The following TMEM132B variants were observed in gnomAD, a reference collection of about 807,000 sequenced individuals.
The protein encoded by TMEM132B is transmembrane protein 132B.
Under a neutral mutation model 90.8 loss-of-function variants are expected in TMEM132B, and 18 were observed. The ratio of observed to expected loss-of-function variants is 0.20; its 90% CI spans 0.14 to 0.29. The LOEUF (loss-of-function observed/expected upper bound fraction) is 0.29, where lower values mean the gene tolerates loss of function less well. TMEM132B is among the 10% of genes least tolerant of loss of function. The pLI is 1.00. For missense variants in TMEM132B, 1,096 were observed against 1,326.8 expected, an observed-to-expected ratio of 0.83 and a Z score of 2.70; for synonymous variants, 504 against 523.3, an observed-to-expected ratio of 0.96 and a Z score of 0.50.
At chr12:125,355,064 T>C (rs543245752) in intron 2 of TMEM132B, among the ~76,000 whole-genome samples, 9 of 151,980 alleles carry the variant, frequency 5.9e-5, no homozygotes, top group Admixed American at 4.6e-4. Context: ...AAAACACTCT[T>C]CTGGGCTCTT....
chr12:125,471,294 C>T (rs1881713420), intron 3 of TMEM132B, among the ~76,000 whole-genome samples: 1 of 152,132 alleles, frequency 6.6e-6, no homozygotes. Context: ...GTATGGGGGA[C>T]AGGATGTGTC....
chr12:125,524,059 C>G (rs1165065968), intron 4 of TMEM132B, among the ~76,000 whole-genome samples: 1 of 152,158 alleles, frequency 6.6e-6, no homozygotes, highest in Non-Finnish European at 1.5e-5. Context: ...GAGGAGGAGA[C>G]CCGAAGTCAA....
intron 4 of TMEM132B, among the ~76,000 whole-genome samples, chr12:125,554,235 A>G (rs977954526): frequency 1.3e-5 from 2 of 151,630 alleles, no homozygotes; most frequent in Non-Finnish European, 2.9e-5. Context: ...CATGCTGGCT[A>G]ACATGGTGAA....
chr12:125,491,754 T>C (rs1052476502), intron 3 of TMEM132B, among the ~76,000 whole-genome samples: 3 of 152,214 alleles, frequency 2.0e-5, no homozygotes, highest in African/African-American at 7.2e-5. Flanking sequence ...GATGGATCGA[T>C]AGGCGTTTGT....
At chr12:125,421,995 A>G (rs1478844587) in intron 3 of TMEM132B, among the ~76,000 whole-genome samples, 1 of 152,228 alleles carries the variant, frequency 6.6e-6, no homozygotes, top group African/African-American at 2.4e-5. Flanking sequence ...CTTTCCTTCT[A>G]TAAAATATTT....
Position 125,412,931 on chromosome 12 carries a change from C to T in TMEM132B, c.960-2600C>T, listed in dbSNP as rs567057181. Among the ~76,000 whole-genome samples, 3 of 152,186 alleles carry T rather than the reference C, an allele frequency of 2.0e-5. No individual in the cohort carries two copies. The South Asian group carries it at 6.2e-4, about 32-fold the overall frequency. ...CCCCAGAATTCAGCGGAAGAATGAT[C>T]AAGTCAAGGCAAGGCATGGCATCTG... On this transcript the variant is annotated intron_variant, in intron 2 of 8. Coordinates refer to ENST00000682704, the MANE Select transcript of TMEM132B (RefSeq NM_001366854.1).
intron 1 of TMEM132B, among the ~76,000 whole-genome samples, chr12:125,297,583 G>C (rs1875703363): frequency 6.6e-6 from 1 of 152,208 alleles, no homozygotes; most frequent in African/African-American, 2.4e-5. Context: ...TCAATACTGG[G>C]GCTAAAAGGT....
intron 3 of TMEM132B, among the ~76,000 whole-genome samples, chr12:125,431,880 G>A (rs906449564): frequency 2.0e-5 from 3 of 152,184 alleles, no homozygotes; most frequent in Admixed American, 1.3e-4. Context: ...CTTGCAGTCT[G>A]AAGCCTGGGG....
chr12:125,512,323 G>C (rs1369034663), intron 3 of TMEM132B, among the ~76,000 whole-genome samples: 1 of 152,152 alleles, frequency 6.6e-6, no homozygotes, highest in Non-Finnish European at 1.5e-5. Flanking sequence ...TTACTATTTT[G>C]GGGGGTATAG....
At chr12:125,197,511 T>A (rs1046318205) in intron 1 of TMEM132B, among the ~76,000 whole-genome samples, 9 of 152,220 alleles carry the variant, frequency 5.9e-5, no homozygotes, top group African/African-American at 2.2e-4. Context: ...GGCCCTCTAC[T>A]TGTTTTTTAA....
At chr12:125,550,241 C>T (rs1414532934) in intron 4 of TMEM132B, among the ~76,000 whole-genome samples, 1 of 152,224 alleles carries the variant, frequency 6.6e-6, no homozygotes, top group Admixed American at 6.5e-5. Context: ...GCCATACCCA[C>T]TCATGAGGGC....
At chr12:125,610,171 TCG>T (rs1470124327) in intron 5 of TMEM132B, among the ~76,000 whole-genome samples, 1 of 152,116 alleles carries the variant, frequency 6.6e-6, no homozygotes, top group East Asian at 1.9e-4. Context: ...TAATAGCATG[TCG>T]TATGTAATGA....
At chr12:125,312,173 C>G (rs1876139742) in intron 1 of TMEM132B, among the ~76,000 whole-genome samples, 1 of 152,238 alleles carries the variant, frequency 6.6e-6, no homozygotes, top group African/African-American at 2.4e-5. Flanking sequence ...GATAGACTCT[C>G]CATATGCTCC....
Position 125,251,552 on chromosome 12 carries a change from A to G in TMEM132B, c.67+64686A>G. Among the ~76,000 whole-genome samples, 1 of 152,324 alleles carries G rather than the reference A, an allele frequency of 6.6e-6. No homozygotes were observed. The highest frequency in any genetic ancestry group is 2.4e-5 in the African/African-American group (1 of 41,576). The stretch of plus-strand genomic sequence containing the variant: ...CTATCTTTGAACTCTTTTGATAGGC[A>G]CTTGATTATAAAGAAACCTTTCTCT... On this transcript the variant is annotated intron_variant, in intron 1 of 8. Coordinates refer to ENST00000682704, the MANE Select transcript of TMEM132B (RefSeq NM_001366854.1). The surrounding 1 kb of genome is among the most constrained non-coding windows in gnomAD (Gnocchi z 4.4).
At chr12:125,485,044 T>A (rs61945404) in intron 3 of TMEM132B, among the ~76,000 whole-genome samples, 3,682 of 152,298 alleles carry the variant, frequency 0.024, 65 homozygotes, top group Non-Finnish European at 0.039. Context: ...AAAGTCAGGA[T>A]AATGGCTCTG....
rs1377412151 is a variant in TMEM132B at position 125,662,261 on chromosome 12, A to G, written c.*7551A>G. On this transcript the variant is annotated 3_prime_UTR_variant, in exon 9 of 9. Transcript: ENST00000682704. ...TATAATGTATCTATCTCATTATATT[A>G]CCTATGGTTTCAGTATGATCTGTTG... 2 of 152,190 alleles carry G rather than the reference A, an allele frequency of 1.3e-5. No individual in the cohort carries two copies. The highest frequency in any genetic ancestry group is 4.8e-5 in the African/African-American group (2 of 41,444). 9.4% of individuals were successfully genotyped at this position (152,190 alleles called of 1,614,324 possible).
At chr12:125,571,719 T>C (rs1019350878) in intron 4 of TMEM132B, among the ~76,000 whole-genome samples, 6 of 152,182 alleles carry the variant, frequency 3.9e-5, no homozygotes, top group African/African-American at 1.4e-4. Flanking sequence ...AAAGACACAT[T>C]GTTGTTATTT....
chr12:125,478,892 A>G (rs1293582942), intron 3 of TMEM132B, among the ~76,000 whole-genome samples: 2 of 152,270 alleles, frequency 1.3e-5, no homozygotes, highest in Non-Finnish European at 2.9e-5. Context: ...AGGGAAGCCC[A>G]TCAGACTAAT....
rs534378960 is a variant in TMEM132B, at chr12:125,571,579, C to A, written c.1294-12272C>A. Among the ~76,000 whole-genome samples the A allele has an allele frequency of 8.5e-5, 13 of 152,312 alleles. No homozygotes were observed. The South Asian group carries it at 2.7e-3, about 32-fold the overall frequency. On this transcript the variant is annotated intron_variant, in intron 4 of 8. Transcript: ENST00000682704. Reference sequence around the variant, plus strand: ...GTTAGGCACTTACCACATCCTGCATCTTTATGCATTTATTTATTGATTCAT... The same window carrying A: ...GTTAGGCACTTACCACATCCTGCATATTTATGCATTTATTTATTGATTCAT...
Sources: allele counts gnomAD v4.1 joint callset (sites outside exome capture counted in the v4.1 genomes callset), GRCh38; gene constraint gnomAD v4.1.1; non-coding constraint Gnocchi (gnomAD v3.1); transcripts MANE v1.5; gene names NCBI Gene and HGNC (gene_info 2026-07-23, HGNC 2026-07-21).